The following DNAAF9 variants were observed in gnomAD, a reference collection of about 807,000 sequenced individuals.
DNAAF9 encodes dynein axonemal assembly factor 9.
DNAAF9 carries 90 observed loss-of-function variants against 167.0 expected under a neutral mutation model. The observed-to-expected ratio is 0.54, with a 90% CI of 0.45 to 0.64. DNAAF9 has a LOEUF of 0.64. Among genes scored for constraint, DNAAF9 ranks in the 30% least tolerant of loss-of-function variants. The pLI is 0.00. For missense variants in DNAAF9, 1,315 were observed against 1,442.2 expected (o/e 0.91, Z 1.43); for synonymous variants, 491 against 508.8 (o/e 0.96, Z 0.47).
intron 7 of DNAAF9, among the ~76,000 whole-genome samples, chr20:3,357,404 G>A (rs1048635548): frequency 1.3e-5 from 2 of 152,062 alleles, no homozygotes; most frequent in Non-Finnish European, 2.9e-5. Context: ...CTGTGGGGGT[G>A]GAAGTTGCAG....
intron 21 of DNAAF9, among the ~76,000 whole-genome samples, chr20:3,299,495 A>T (rs2069145044): frequency 6.6e-6 from 1 of 151,990 alleles, no homozygotes; most frequent in African/African-American, 2.4e-5. Flanking sequence ...TATTTTTAGT[A>T]GAGATGGGGT....
Position 3,407,508 on chromosome 20 carries a change from GGGGACCGAGCGCGGGGCA to G in DNAAF9, c.32_49del (p.Leu11_Ser16del), listed in dbSNP as rs1170497485. Reference sequence around the variant, plus strand: ...GGGTGACCCGCGGCTGGAGCCGCCAGGGGACCGAGCGCGGGGCAGCCCCTGCCGGCGCGGGGGGTACAC... The same window carrying G: ...GGGTGACCCGCGGCTGGAGCCGCCAGGCCCCTGCCGGCGCGGGGGGTACAC... On this transcript the variant is annotated inframe_deletion, in exon 1 of 37. Transcript: ENST00000252032. 10 of 1,279,538 alleles carry G rather than the reference GGGGACCGAGCGCGGGGCA, an allele frequency of 7.8e-6. No homozygotes were observed. Among genetic ancestry groups the G allele is most frequent in the Non-Finnish European group, 9.8e-6 (10 of 1,017,412 alleles). 79.3% of individuals were successfully genotyped at this position (1,279,538 alleles called of 1,614,324 possible).
intron 1 of DNAAF9, among the ~76,000 whole-genome samples, chr20:3,391,993 C>T (rs755941811): frequency 3.2e-4 from 49 of 152,192 alleles, no homozygotes; most frequent in Non-Finnish European, 6.2e-4. Flanking sequence ...CACAGCAAGA[C>T]CTCATCTCTA....
intron 7 of DNAAF9, among the ~76,000 whole-genome samples, chr20:3,353,612 A>C (rs112123161): frequency 0.026 from 3,702 of 144,128 alleles, 83 homozygotes; most frequent in African/African-American, 0.041. Flanking sequence ...TGGGTAATAG[A>C]GTGAGACCCT....
chr20:3,380,659 A>G (rs538881247), intron 3 of DNAAF9, among the ~76,000 whole-genome samples: 1 of 152,318 alleles, frequency 6.6e-6, no homozygotes, highest in East Asian at 1.9e-4. Flanking sequence ...ATTTCACATC[A>G]GATGTTTGTT....
chr20:3,327,545 TG>T (rs2069733812), intron 12 of DNAAF9, among the ~76,000 whole-genome samples: 1 of 152,036 alleles, frequency 6.6e-6, no homozygotes, highest in African/African-American at 2.4e-5. Context: ...CACCTAAAAA[TG>T]TGTCTATTTT....
chr20:3,268,392 G>A (rs1317022755), intron 30 of DNAAF9, among the ~76,000 whole-genome samples: 10 of 151,032 alleles, frequency 6.6e-5, no homozygotes, highest in African/African-American at 7.3e-5. Context: ...GCAATGGTAC[G>A]ATCTTGGCTC....
At chr20:3,323,336 C>T (rs2069653131) in intron 14 of DNAAF9, among the ~76,000 whole-genome samples, 2 of 127,364 alleles carry the variant, frequency 1.6e-5, no homozygotes. Flanking sequence ...GGCTGGAGTG[C>T]AGTGGCGCAA....
In DNAAF9 at chr20:3,315,124, TAAAAACAACAAC is replaced by T. The variant is rs746891551; in HGVS notation, c.1591-16_1591-5del. Reference sequence around the variant, plus strand: ...TGCCCAGGAAAGACTCATCCCCCTTTAAAAACAACAACAAAAACAAAAATCCAAAAAAGAATA... The same window carrying T: ...TGCCCAGGAAAGACTCATCCCCCTTTAAAAACAAAAATCCAAAAAAGAATA... On this transcript the variant is annotated splice_polypyrimidine_tract_variant and splice_region_variant and intron_variant, in intron 19 of 36. Transcript: ENST00000252032. This position sits in a 1 kb window ranked among gnomAD's most constrained non-coding sequence, Gnocchi z 4.1. 12 of 1,575,130 alleles carry T rather than the reference TAAAAACAACAAC, an allele frequency of 7.6e-6. No homozygotes were observed. The highest frequency in any genetic ancestry group is 1.4e-5 in the African/African-American group (1 of 73,900).
intron 1 of DNAAF9, among the ~76,000 whole-genome samples, chr20:3,404,722 TATAA>T (rs1443431257): frequency 2.6e-5 from 4 of 152,250 alleles, no homozygotes; most frequent in African/African-American, 7.2e-5. Flanking sequence ...GCATAATTTA[TATAA>T]ATAAACAGTG....
At chr20:3,339,767 G>A (rs557912445) in intron 10 of DNAAF9, among the ~76,000 whole-genome samples, 1 of 152,320 alleles carries the variant, frequency 6.6e-6, no homozygotes, top group East Asian at 1.9e-4. Flanking sequence ...GCATGTGCCT[G>A]TGGTCCCAAC....
intron 10 of DNAAF9, among the ~76,000 whole-genome samples, chr20:3,337,437 T>TTTG (rs1555793639): frequency 1.9e-5 from 2 of 107,080 alleles, no homozygotes; most frequent in Admixed American, 9.1e-5. Context: ...GTTCTTTTTT[T>TTTG]TTGTTTTTTT....
chr20:3,354,528 G>T lies in DNAAF9; in HGVS notation c.690+4988C>A, dbSNP rs60168344. 1.1e-3 allele frequency among the ~76,000 whole-genome samples: 164 copies of T among 152,292 alleles called. 1 individual carries two copies. Among genetic ancestry groups the T allele is most frequent in the African/African-American group, 3.7e-3 (154 of 41,566 alleles). Reference sequence around the variant, plus strand: ...ACCATCCTCAAGTTAGGCAAGGACCGGCTTAAATACCAGTGAGGGCAAAGC... The same window carrying T: ...ACCATCCTCAAGTTAGGCAAGGACCTGCTTAAATACCAGTGAGGGCAAAGC... On this transcript the variant is annotated intron_variant, in intron 7 of 36. Transcript: ENST00000252032.
intron 17 of DNAAF9, 151 bp from the exon 18 acceptor site, chr20:3,316,944 G>T (rs976043621): frequency 1.5e-5 from 8 of 517,922 alleles, no homozygotes; most frequent in Non-Finnish European, 2.7e-5. Flanking sequence ...ACCCAGGCTG[G>T]AGTGCAGTGG....
intron 8 of DNAAF9, among the ~76,000 whole-genome samples, chr20:3,346,566 G>C (rs2070197948): frequency 6.6e-6 from 1 of 152,098 alleles, no homozygotes; most frequent in African/African-American, 2.4e-5. Flanking sequence ...AGGATATACT[G>C]TTAAGTGGAA....
At chr20:3,402,211 T>C (rs1343552157) in intron 1 of DNAAF9, among the ~76,000 whole-genome samples, 2 of 152,304 alleles carry the variant, frequency 1.3e-5, no homozygotes, top group African/African-American at 4.8e-5. Context: ...AGATATTGTC[T>C]TCATGGTGCT....
At chr20:3,397,228 C>T (rs2083920609) in intron 1 of DNAAF9, among the ~76,000 whole-genome samples, 1 of 143,208 alleles carries the variant, frequency 7.0e-6, no homozygotes, top group African/African-American at 2.6e-5. Context: ...GCCTGGGTGA[C>T]AAGAGTGAGA....
intron 12 of DNAAF9, among the ~76,000 whole-genome samples, chr20:3,328,272 C>T (rs1243432240): frequency 6.6e-6 from 1 of 151,446 alleles, no homozygotes; most frequent in East Asian, 1.9e-4. Flanking sequence ...ACCTCTGCCT[C>T]CCGGGTTCAA....
intron 1 of DNAAF9, among the ~76,000 whole-genome samples, chr20:3,390,827 TC>T (rs938365455): frequency 6.6e-4 from 100 of 152,292 alleles, no homozygotes; most frequent in African/African-American, 2.4e-3. Flanking sequence ...CCCCACTTTT[TC>T]ATGTTTAATA....
Sources: allele counts gnomAD v4.1 joint callset (sites outside exome capture counted in the v4.1 genomes callset), GRCh38; gene constraint gnomAD v4.1.1; non-coding constraint Gnocchi (gnomAD v3.1); transcripts MANE v1.5; gene names NCBI Gene and HGNC (gene_info 2026-07-23, HGNC 2026-07-21).